GLIS3: variants seen among roughly 807,000 people sequenced by gnomAD.
GLIS3 encodes the protein GLIS family zinc finger 3, also known as zinc finger protein GLIS3.
A neutral mutation model predicts 78.6 loss-of-function variants in GLIS3; 53 were observed. The observed-to-expected ratio is 0.67, with a 90% CI of 0.54 to 0.85. The LOEUF (loss-of-function observed/expected upper bound fraction) is 0.85. GLIS3 is among the 40% of genes least tolerant of loss of function. The pLI, the probability that GLIS3 is intolerant of heterozygous loss-of-function variation, is 0.00. For missense variants in GLIS3, 1,703 were observed against 1,231.1 expected (o/e 1.38, Z -5.74); for synonymous variants, 684 against 509.9 (o/e 1.34, Z -4.60).
the GLIS3 span, among the ~76,000 whole-genome samples, chr9:4,469,945 G>C: frequency 6.6e-6 from 1 of 151,854 alleles, no homozygotes; most frequent in African/African-American, 2.4e-5. Flanking sequence ...AATGATAAAG[G>C]GGATATCACC....
intron 2 of GLIS3, among the ~76,000 whole-genome samples, chr9:4,327,138 G>A (rs1233359140): frequency 1.3e-5 from 2 of 152,186 alleles, no homozygotes; most frequent in Non-Finnish European, 2.9e-5. Context: ...TTGATTGAGA[G>A]TTAATGATGC....
chr9:4,316,656 T>C (rs993462584), intron 2 of GLIS3, among the ~76,000 whole-genome samples: 3 of 152,128 alleles, frequency 2.0e-5, no homozygotes, highest in African/African-American at 7.2e-5. Flanking sequence ...CGTAGGCATG[T>C]GTGTGAGTGT....
At chr9:4,192,069 G>A (rs1818380918) in intron 2 of GLIS3, among the ~76,000 whole-genome samples, 1 of 152,104 alleles carries the variant, frequency 6.6e-6, no homozygotes, top group Non-Finnish European at 1.5e-5. Flanking sequence ...GAGTTCTTGT[G>A]ATAAACATTG....
chr9:3,868,975 A>G (rs893982326), intron 8 of GLIS3, among the ~76,000 whole-genome samples: 2 of 152,060 alleles, frequency 1.3e-5, no homozygotes, highest in Admixed American at 6.6e-5. Flanking sequence ...ACAGGCCCCT[A>G]TATCATCCCT....
chr9:4,342,711 G>C (rs942392206), intron 2 of GLIS3, among the ~76,000 whole-genome samples: 1 of 152,128 alleles, frequency 6.6e-6, no homozygotes, highest in Non-Finnish European at 1.5e-5. Context: ...TAACAATATT[G>C]ATTCTTCCAA....
chr9:4,325,448 C>A (rs1222730608), intron 2 of GLIS3, among the ~76,000 whole-genome samples: 1 of 152,202 alleles, frequency 6.6e-6, no homozygotes, highest in African/African-American at 2.4e-5. Flanking sequence ...GCATTTGTGA[C>A]AGACTTTCAG....
intron 7 of GLIS3, among the ~76,000 whole-genome samples, chr9:3,882,346 G>C (rs1821786621): frequency 6.6e-6 from 1 of 152,198 alleles, no homozygotes; most frequent in Non-Finnish European, 1.5e-5. Flanking sequence ...CTCACACTTT[G>C]AGGGGCACGT....
chr9:4,476,518 T>C, the GLIS3 span, among the ~76,000 whole-genome samples: 14 of 152,138 alleles, frequency 9.2e-5, no homozygotes, highest in East Asian at 2.7e-3. Flanking sequence ...CCTGCCACCA[T>C]GCCCAGGTAA....
chr9:4,437,999 G>C, the GLIS3 span, among the ~76,000 whole-genome samples: 1 of 152,148 alleles, frequency 6.6e-6, no homozygotes, highest in South Asian at 2.1e-4. Context: ...TTCTCAGGGA[G>C]TCAAAAGTTA....
At chr9:4,032,554 C>T (rs188758776) in intron 4 of GLIS3, among the ~76,000 whole-genome samples, 122 of 152,108 alleles carry the variant, frequency 8.0e-4, no homozygotes, top group Middle Eastern at 3.4e-3. Context: ...AAACTGAAGG[C>T]GTAGAGCTAT....
the GLIS3 span, among the ~76,000 whole-genome samples, chr9:4,453,036 A>G: frequency 6.6e-6 from 1 of 152,212 alleles, no homozygotes. Flanking sequence ...GATATTTGAC[A>G]AACTTGACAA....
At chr9:4,433,204 G>A in the GLIS3 span, among the ~76,000 whole-genome samples, 7 of 152,208 alleles carry the variant, frequency 4.6e-5, no homozygotes, top group Non-Finnish European at 1.0e-4. Flanking sequence ...AGTTGAGGCA[G>A]GCAGATCACC....
intron 2 of GLIS3, among the ~76,000 whole-genome samples, chr9:4,166,025 AC>A (rs1835863032): frequency 6.6e-6 from 1 of 152,140 alleles, no homozygotes; most frequent in Non-Finnish European, 1.5e-5. Flanking sequence ...GAGGCGAGAG[AC>A]CAGGTGCCTT....
intron 4 of GLIS3, among the ~76,000 whole-genome samples, chr9:4,106,792 C>A (rs889022446): frequency 6.6e-6 from 1 of 152,170 alleles, no homozygotes. Flanking sequence ...TCATCTATAA[C>A]CTTGCCCTTG....
chr9:4,315,742 A>G (rs943903531), intron 2 of GLIS3, among the ~76,000 whole-genome samples: 1 of 152,124 alleles, frequency 6.6e-6, no homozygotes, highest in Non-Finnish European at 1.5e-5. Flanking sequence ...CTCTTAACCA[A>G]ACCCAAGAGG....
At chr9:3,970,859 G>C (rs1425874228) in intron 4 of GLIS3, among the ~76,000 whole-genome samples, 2 of 152,032 alleles carry the variant, frequency 1.3e-5, no homozygotes, top group Non-Finnish European at 1.5e-5. Context: ...TGAGTTCAAA[G>C]CAGGTTCAGA....
intron 4 of GLIS3, among the ~76,000 whole-genome samples, chr9:3,987,653 C>T (rs1179154406): frequency 1.3e-5 from 2 of 148,520 alleles, no homozygotes; most frequent in Non-Finnish European, 1.5e-5. Context: ...GCCAAGATCA[C>T]GCCACTGCAC....
chr9:4,379,434 C>T, the GLIS3 span, among the ~76,000 whole-genome samples: 1 of 152,200 alleles, frequency 6.6e-6, no homozygotes, highest in Non-Finnish European at 1.5e-5. Flanking sequence ...ACTCTAAATG[C>T]CTCTGGATTT....
intron 4 of GLIS3, among the ~76,000 whole-genome samples, chr9:4,081,595 C>G (rs892358084): frequency 3.9e-5 from 6 of 152,150 alleles, no homozygotes; most frequent in Non-Finnish European, 8.8e-5. Context: ...AAAGCCCTCC[C>G]AACTAGTTGG....
Sources: gnomAD v4.1 joint callset for allele counts (sites outside exome capture counted in the v4.1 genomes callset) on GRCh38, gnomAD v4.1.1 for gene constraint, MANE v1.5 for transcripts, NCBI Gene and HGNC (gene_info 2026-07-23, HGNC 2026-07-21) for gene names.